The following MORC1 variants were observed in gnomAD, a reference collection of about 807,000 sequenced individuals.
MORC1 encodes the protein MORC family CW-type zinc finger 1.
Under a neutral mutation model 134.9 loss-of-function variants are expected in MORC1, and 59 were observed. The observed-to-expected ratio is 0.44, with a 90% confidence interval of 0.35 to 0.54. MORC1 has a LOEUF of 0.54. MORC1 is among the 20% of genes least tolerant of loss of function. The pLI, the probability that MORC1 is intolerant of heterozygous loss-of-function variation, is 0.00. For missense variants in MORC1, 947 were observed against 1,134.5 expected, an observed-to-expected ratio of 0.83 and a Z score of 2.37; for synonymous variants, 395 against 391.7, an observed-to-expected ratio of 1.01 and a Z score of -0.10.
chr3:109,057,564 A>C, intron 12 of MORC1, 78 bp from the exon 13 acceptor site: 1 of 1,316,534 alleles, frequency 7.6e-7, no homozygotes, highest in Non-Finnish European at 1.0e-6. Flanking sequence ...TAATAATTAA[A>C]CTAGAAGGTT....
At chr3:109,072,140 C>T (rs890861687) in intron 8 of MORC1, among the ~76,000 whole-genome samples, 1 of 152,124 alleles carries the variant, frequency 6.6e-6, no homozygotes, top group African/African-American at 2.4e-5. Context: ...TCATTATAAA[C>T]GTCAAACTTT....
At chr3:109,115,185 T>G (rs1286219597) in intron 1 of MORC1, among the ~76,000 whole-genome samples, 1 of 152,198 alleles carries the variant, frequency 6.6e-6, no homozygotes, top group Admixed American at 6.5e-5. Context: ...CAGCATGCAA[T>G]TTTCTTTCTA....
intron 27 of MORC1, among the ~76,000 whole-genome samples, chr3:108,959,488 A>T (rs1391899898): frequency 2.6e-5 from 4 of 152,196 alleles, no homozygotes; most frequent in Non-Finnish European, 5.9e-5. Context: ...GCAAAAACAG[A>T]CAAGTAGCCA....
rs1013677340 is a variant in MORC1 at position 109,062,081 on chromosome 3, T to C, written c.896-23A>G. On this transcript the variant is annotated intron_variant, in intron 10 of 27. Transcript: ENST00000232603. Reference sequence around the variant, plus strand: ...CAGCTGGAAGTAGAAGCCAAATAGTTATAACACAGCAAAATTATTTCAAGC... The same window carrying C: ...CAGCTGGAAGTAGAAGCCAAATAGTCATAACACAGCAAAATTATTTCAAGC... 9.9e-6 allele frequency: 16 copies of C among 1,608,274 alleles called. No individual in the cohort carries two copies. The Middle Eastern group carries it at 2.2e-3, about 217-fold the overall frequency.
At chr3:109,091,349 G>A (rs1372418170) in intron 8 of MORC1, among the ~76,000 whole-genome samples, 1 of 151,500 alleles carries the variant, frequency 6.6e-6, no homozygotes, top group Non-Finnish European at 1.5e-5. Flanking sequence ...GAGGCTGAGG[G>A]ATGAGAATCG....
intron 21 of MORC1, among the ~76,000 whole-genome samples, chr3:108,996,038 G>A (rs1227089848): frequency 6.6e-6 from 1 of 152,162 alleles, no homozygotes; most frequent in African/African-American, 2.4e-5. Flanking sequence ...ATTACAAAAG[G>A]AGGAGCAAAG....
intron 18 of MORC1, among the ~76,000 whole-genome samples, chr3:109,005,920 C>T (rs1462186888): frequency 6.6e-6 from 1 of 152,136 alleles, no homozygotes. Context: ...GAGGGCTCAA[C>T]GAAACTCTTT....
Position 108,992,836 on chromosome 3 carries a change from T to C in MORC1, c.2188-5887A>G, listed in dbSNP as rs142540569. 3.0e-4 allele frequency among the ~76,000 whole-genome samples: 46 copies of C among 152,294 alleles called. 1 individual carries two copies. The highest frequency in any genetic ancestry group is 1.1e-3 in the African/African-American group (44 of 41,566). ...ATAAGCTCACTCTTTAAGCTCTCTT[T>C]TTCCACAAAGAAATTTTACTTTGTC... On this transcript the variant is annotated intron_variant, in intron 21 of 27. Transcript: ENST00000232603.
At chr3:108,990,806 G>A (rs894567308) in intron 21 of MORC1, among the ~76,000 whole-genome samples, 4 of 152,078 alleles carry the variant, frequency 2.6e-5, no homozygotes, top group African/African-American at 9.7e-5. Flanking sequence ...AAATACATGT[G>A]TGCTGCTGAC....
chr3:109,087,159 C>G (rs1017627818), intron 8 of MORC1, among the ~76,000 whole-genome samples: 1 of 110,562 alleles, frequency 9.0e-6, no homozygotes, highest in Non-Finnish European at 1.9e-5. Context: ...GCCTCTTGAA[C>G]AGGTGCTGAA....
In MORC1 at chr3:108,963,394, A is replaced by G; in HGVS notation, c.2799+20T>C. 1.3e-6 allele frequency: 2 copies of G among 1,599,878 alleles called. No homozygotes were observed. Among genetic ancestry groups the G allele is most frequent in the Non-Finnish European group, 1.7e-6 (2 of 1,172,762 alleles). On this transcript the variant is annotated intron_variant, in intron 27 of 27. Transcript: ENST00000232603. ...CCATAGAGTCTACTCCTACTGCTCA[A>G]ATACAACTTTTTCACTCACCAGTTG...
rs139634284 is a variant in MORC1, at chr3:108,976,725, T to G, written c.2477+2790A>C. Among the ~76,000 whole-genome samples the G allele has an allele frequency of 5.2e-3, 798 of 152,302 alleles. 20 individuals carry two copies. The highest frequency in any genetic ancestry group is 0.019 in the African/African-American group (769 of 41,562). Reference sequence around the variant, plus strand: ...AATTTAAGCTGGTACAGAATAGAGCTGATATATTAACGCATTCAGCTTTCA... The same window carrying G: ...AATTTAAGCTGGTACAGAATAGAGCGGATATATTAACGCATTCAGCTTTCA... On this transcript the variant is annotated intron_variant, in intron 24 of 27. Coordinates refer to ENST00000232603, the MANE Select transcript of MORC1 (RefSeq NM_014429.4).
rs1948495203 is a variant in MORC1, at chr3:109,004,724, C to T, written c.2085+93G>A. On this transcript the variant is annotated intron_variant, in intron 20 of 27. Coordinates refer to ENST00000232603, the MANE Select transcript of MORC1 (RefSeq NM_014429.4). ...ATGTATGATTTAGTTAAGCATTTTT[C>T]CTATAAAGCATTGAATGCAAAACTT... The T allele has an allele frequency of 1.5e-5, 18 of 1,218,322 alleles. 1 individual carries two copies. The South Asian group carries it at 2.5e-4, about 17-fold the overall frequency. 75.5% of individuals were successfully genotyped at this position (1,218,322 alleles called of 1,614,324 possible). A position where few individuals can be genotyped will look rare whatever the true frequency, so the allele number is the denominator to read the frequency against.
intron 21 of MORC1, among the ~76,000 whole-genome samples, chr3:108,989,830 G>T (rs1283860701): frequency 6.6e-6 from 1 of 152,106 alleles, no homozygotes; most frequent in Non-Finnish European, 1.5e-5. Context: ...TCTAGTGTGG[G>T]CCAGATACTA....
At position 109,005,208 on chromosome 3, in the gene MORC1, T is replaced by C. The variant is rs1477953500; in HGVS notation, c.1875A>G (p.Ile625Met). Residue 625 changes from isoleucine to methionine, a missense_variant, in exon 19 of 28, where the codon ATA becomes ATG. Transcript: ENST00000232603. ...ACTCTACATCAGAGTCTGTCTCTTC[T>C]ATGTTTCTTTTCTGTCCTCTACGGC... ...SASRRGQKRNIEETDSDVEYI... is the reference protein window; with the variant it reads ...SASRRGQKRNMEETDSDVEYI... The C allele has an allele frequency of 6.2e-7, 1 of 1,614,068 alleles. No individual in the cohort carries two copies. Among genetic ancestry groups the C allele is most frequent in the Non-Finnish European group, 8.5e-7 (1 of 1,179,980 alleles).
chr3:109,037,757 G>C (rs1227851573), intron 14 of MORC1, among the ~76,000 whole-genome samples: 2 of 152,062 alleles, frequency 1.3e-5, no homozygotes, highest in African/African-American at 4.8e-5. Context: ...CCATGTCCCT[G>C]CAAAGGATAT....
rs370165810 is a variant in MORC1 at position 109,020,533 on chromosome 3, G to A, written c.1704+7218C>T. 2.0e-4 allele frequency among the ~76,000 whole-genome samples: 31 copies of A among 152,200 alleles called. No individual in the cohort carries two copies. In the East Asian group the frequency reaches 4.3e-3, roughly 21 times the overall value. ...TGTAATCCCAGCACTTTGGGAGGCC[G>A]AGGCGGGTGGATCACGAGGTCAGGA... On this transcript the variant is annotated intron_variant, in intron 17 of 27. Coordinates refer to ENST00000232603, the MANE Select transcript of MORC1 (RefSeq NM_014429.4).
chr3:109,022,068 T>A (rs564597400), intron 17 of MORC1, among the ~76,000 whole-genome samples: 13 of 152,312 alleles, frequency 8.5e-5, no homozygotes, highest in Non-Finnish European at 7.3e-5. Flanking sequence ...AGAAATGAGA[T>A]CTTTGTAGTA....
At chr3:109,045,389 C>G (rs1219547615) in intron 14 of MORC1, among the ~76,000 whole-genome samples, 1 of 152,104 alleles carries the variant, frequency 6.6e-6, no homozygotes, top group South Asian at 2.1e-4. Context: ...AAGGTGGGAT[C>G]GCTTATCATC....
Sources: gnomAD v4.1 joint callset for allele counts (sites outside exome capture counted in the v4.1 genomes callset) on GRCh38, gnomAD v4.1.1 for gene constraint, MANE v1.5 for transcripts, NCBI Gene and HGNC (gene_info 2026-07-23, HGNC 2026-07-21) for gene names.